The following ELF1 variants were observed in gnomAD, a reference collection of about 807,000 sequenced individuals.
ELF1 encodes ETS-related transcription factor Elf-1.
ELF1 carries 24 observed loss-of-function variants against 59.9 expected under a neutral mutation model. The observed-to-expected ratio is 0.40, with a 90% CI of 0.29 to 0.56. The LOEUF (loss-of-function observed/expected upper bound fraction) is 0.56. Ranked by LOEUF, ELF1 falls within the 20% of genes least tolerant of loss-of-function variation. The pLI is 0.44. For missense variants in ELF1, 627 were observed against 742.2 expected (o/e 0.84, Z 1.80); for synonymous variants, 248 against 266.2 (o/e 0.93, Z 0.67).
chr13:40,970,436 G>C lies in ELF1; in HGVS notation c.73-11420C>G, dbSNP rs530419618. Among the ~76,000 whole-genome samples, 5 of 152,272 alleles carry C rather than the reference G, an allele frequency of 3.3e-5. No homozygotes were observed. The South Asian group carries it at 8.3e-4, about 25-fold the overall frequency. On this transcript the variant is annotated intron_variant, in intron 2 of 8. Transcript: ENST00000239882. ...ATACTATAGAAAACGGGAAAAATACGATCTCTATCATACAGTGACTTGTAA... is the reference window on the plus strand; with the variant it reads ...ATACTATAGAAAACGGGAAAAATACCATCTCTATCATACAGTGACTTGTAA...
At chr13:40,983,447 T>TAC (rs141440776) in intron 1 of ELF1, among the ~76,000 whole-genome samples, 31 of 152,300 alleles carry the variant, frequency 2.0e-4, no homozygotes, top group African/African-American at 7.0e-4. Flanking sequence ...GCCAAGTCCC[T>TAC]ATGTGTCCTG....
chr13:41,033,615 T>C (rs149414804), intron 1 of ELF1, among the ~76,000 whole-genome samples: 120 of 152,282 alleles, frequency 7.9e-4, no homozygotes, highest in Non-Finnish European at 1.5e-3. Flanking sequence ...AGCCAGAGAA[T>C]TAGATTCTCA....
chr13:40,977,946 CAT>C (rs761397652), intron 2 of ELF1, among the ~76,000 whole-genome samples: 2 of 152,166 alleles, frequency 1.3e-5, no homozygotes, highest in African/African-American at 2.4e-5. Flanking sequence ...GTGTGAAAAA[CAT>C]AAAACATTCA....
chr13:41,032,943 A>C (rs1489317327), intron 1 of ELF1, among the ~76,000 whole-genome samples: 5 of 152,148 alleles, frequency 3.3e-5, no homozygotes, highest in African/African-American at 1.2e-4. Context: ...TTAAGTCATA[A>C]TGTCCTACGG....
upstream of ELF1, among the ~76,000 whole-genome samples, chr13:41,020,914 G>A: frequency 6.6e-6 from 1 of 151,936 alleles, no homozygotes; most frequent in Admixed American, 6.6e-5. Context: ...GTAAAAGAGG[G>A]CAACAGTATT....
At chr13:40,977,568 A>G (rs1872990810) in intron 2 of ELF1, among the ~76,000 whole-genome samples, 1 of 152,226 alleles carries the variant, frequency 6.6e-6, no homozygotes, top group African/African-American at 2.4e-5. Flanking sequence ...ATATATATTT[A>G]TAACCTAGAC....
intron 1 of ELF1, among the ~76,000 whole-genome samples, chr13:41,048,708 T>A (rs1876962361): frequency 6.6e-6 from 1 of 151,778 alleles, no homozygotes; most frequent in Non-Finnish European, 1.5e-5. Context: ...CTACTACGCC[T>A]AGCCGAAGGT....
chr13:41,060,226 T>G (rs1288291292), intron 1 of ELF1, among the ~76,000 whole-genome samples: 1 of 152,142 alleles, frequency 6.6e-6, no homozygotes, highest in Non-Finnish European at 1.5e-5. Flanking sequence ...CACACTGTGT[T>G]CCGTGGGGCC....
At chr13:41,028,278 ACT>A (rs904143318) in intron 1 of ELF1, among the ~76,000 whole-genome samples, 7 of 152,132 alleles carry the variant, frequency 4.6e-5, no homozygotes, top group African/African-American at 1.7e-4. Context: ...TGGACTACTA[ACT>A]CACAGTGCAG....
At chr13:40,941,803 G>A (rs1870190466) in intron 7 of ELF1, among the ~76,000 whole-genome samples, 2 of 152,138 alleles carry the variant, frequency 1.3e-5, no homozygotes, top group African/African-American at 2.4e-5. Context: ...GACCACAGGC[G>A]CATGCTACCA....
At chr13:41,035,225 A>ATAC (rs1426175153) in intron 1 of ELF1, among the ~76,000 whole-genome samples, 1 of 152,222 alleles carries the variant, frequency 6.6e-6, no homozygotes, top group African/African-American at 2.4e-5. Context: ...TCCTACTGGA[A>ATAC]TACTCTTCCT....
chr13:40,978,880 CG>C (rs1024976192), intron 2 of ELF1, among the ~76,000 whole-genome samples: 1 of 151,854 alleles, frequency 6.6e-6, no homozygotes, highest in African/African-American at 2.4e-5. Flanking sequence ...TCTTACCCCC[CG>C]CAACTTTTAT....
At chr13:40,990,785 G>C (rs1348242463) in intron 1 of ELF1, among the ~76,000 whole-genome samples, 3 of 149,584 alleles carry the variant, frequency 2.0e-5, no homozygotes, top group Non-Finnish European at 4.4e-5. Context: ...CCGGGAGACG[G>C]AGGGTGCAGT....
At chr13:40,982,550 T>TA (rs5803077) in intron 1 of ELF1, among the ~76,000 whole-genome samples, 2,251 of 136,418 alleles carry the variant, frequency 0.017, 23 homozygotes, top group Non-Finnish European at 0.026. Context: ...TACTCAATAT[T>TA]AAAAAAAAAA....
At chr13:40,975,826 GAA>G (rs1393477135) in intron 2 of ELF1, among the ~76,000 whole-genome samples, 1 of 151,210 alleles carries the variant, frequency 6.6e-6, no homozygotes, top group African/African-American at 2.4e-5. Context: ...CTATTTTATA[GAA>G]GAGATCACTT....
intron 1 of ELF1, among the ~76,000 whole-genome samples, chr13:41,010,420 T>C (rs1364173920): frequency 3.3e-5 from 5 of 151,806 alleles, no homozygotes; most frequent in African/African-American, 9.7e-5. Context: ...CACTGTACTC[T>C]AGCCTAGGCG....
At chr13:41,039,006 C>CAAAAAAAAAAAAAAAAAAAAAAAAAA (rs11405097) in intron 1 of ELF1, among the ~76,000 whole-genome samples, 1 of 76,576 alleles carries the variant, frequency 1.3e-5, no homozygotes. Context: ...GAGACTTTGT[C>CAAAAAAAAAAAAAAAAAAAAAAAAAA]AAAAAAAAAA....
chr13:40,990,838 G>A (rs565641978), intron 1 of ELF1, among the ~76,000 whole-genome samples: 23 of 111,070 alleles, frequency 2.1e-4, no homozygotes, highest in African/African-American at 7.8e-4. Context: ...GTGACAGAGC[G>A]AGACTCTGTC....
At position 41,057,737 on chromosome 13, in the gene ELF1, C is replaced by A. The variant is rs544366434; in HGVS notation, c.-229+3101G>T. On this transcript the variant is annotated intron_variant, in intron 1 of 1. Coordinates refer to the ELF1 transcript ENST00000405737. ...ATTAAAGAGGTTATTTGGGTAAATC[C>A]ACAGCACTCAGTGTCACTAATTTAT... Among the ~76,000 whole-genome samples, 6 of 152,224 alleles carry A rather than the reference C, an allele frequency of 3.9e-5. No individual in the cohort carries two copies. In the South Asian group the frequency reaches 8.3e-4, roughly 21 times the overall value.
Sources: gnomAD v4.1 joint callset for allele counts (sites outside exome capture counted in the v4.1 genomes callset) on GRCh38, gnomAD v4.1.1 for gene constraint, MANE v1.5 for transcripts, NCBI Gene and HGNC (gene_info 2026-07-23, HGNC 2026-07-21) for gene names.